The following EMB variants were observed in gnomAD, a reference collection of about 807,000 sequenced individuals.
EMB encodes the protein embigin homolog.
A neutral mutation model predicts 41.4 loss-of-function variants in EMB; 31 were observed. That is an observed-to-expected ratio of 0.75 (90% confidence interval 0.56 to 1.01). EMB has a LOEUF of 1.01. Among genes scored for constraint, EMB ranks in the 50% least tolerant of loss-of-function variants. The pLI, the probability that EMB is intolerant of heterozygous loss-of-function variation, is 0.00. For missense variants in EMB, 379 were observed against 388.3 expected (o/e 0.98, Z 0.20); for synonymous variants, 137 against 140.4 (o/e 0.98, Z 0.17).
intron 2 of EMB, among the ~76,000 whole-genome samples, chr5:50,427,498 T>C (rs1745638367): frequency 6.6e-6 from 1 of 150,646 alleles, no homozygotes; most frequent in Non-Finnish European, 1.5e-5. Context: ...ACATTATTAT[T>C]ATTATTATTA....
chr5:50,396,925 G>A lies in EMB; in HGVS notation c.*2348C>T, dbSNP rs1430602394. 2 of 152,076 alleles carry A rather than the reference G, an allele frequency of 1.3e-5. No individual in the cohort carries two copies. The highest frequency in any genetic ancestry group is 2.9e-5 in the Non-Finnish European group (2 of 68,002). The allele number at this position is 152,076 out of a possible 1,614,324, so 9.4% of individuals were successfully genotyped here. On this transcript the variant is annotated 3_prime_UTR_variant, in exon 9 of 9. Transcript: ENST00000303221. ...ATACAGAAGAAGAAAATATCAGAAT[G>A]AGTTCTAAATTAGGGCCTGAGCAGC...
At chr5:50,429,971 TCTCTCTCTCTC>T (rs1745688144) in intron 1 of EMB, among the ~76,000 whole-genome samples, 1,494 of 134,054 alleles carry the variant, frequency 0.011, 54 homozygotes, top group African/African-American at 0.038. Context: ...ACTCTCTTTC[TCTCTCTCTCTC>T]TCTCTCTCTC....
intron 1 of EMB, among the ~76,000 whole-genome samples, chr5:50,439,020 G>T (rs1239335654): frequency 6.6e-6 from 1 of 151,038 alleles, no homozygotes; most frequent in African/African-American, 2.4e-5. Flanking sequence ...TAAAGCTGTG[G>T]TTTTTAACCA....
rs1561129447 is a variant in EMB at position 50,399,893 on chromosome 5, C to T, written c.932G>A (p.Gly311Asp). ...IEQLKSDDSN[G>D]IENNVPRHRK... is the part of the protein sequence containing the mutation. Reference sequence around the variant, plus strand: ...ATGCCTGGGGACATTATTTTCTATACCATTGCTATCATCTGATTTCCTGCA... The same window carrying T: ...ATGCCTGGGGACATTATTTTCTATATCATTGCTATCATCTGATTTCCTGCA... The change falls in exon 8 of 9, where the codon GGT becomes GAT. Residue 311 changes from glycine to aspartate, a missense_variant. Transcript: ENST00000303221. 6 of 1,603,612 alleles carry T rather than the reference C, an allele frequency of 3.7e-6. No homozygotes were observed. Among genetic ancestry groups the T allele is most frequent in the Non-Finnish European group, 5.1e-6 (6 of 1,175,464 alleles).
At chr5:50,408,117 T>C (rs1745277156) in intron 4 of EMB, among the ~76,000 whole-genome samples, 1 of 152,004 alleles carries the variant, frequency 6.6e-6, no homozygotes, top group Admixed American at 6.6e-5. Flanking sequence ...TTTAGATACT[T>C]CCAGGGGAAG....
chr5:50,419,536 T>TACACATACACACACAC (rs1745481555), intron 2 of EMB, among the ~76,000 whole-genome samples: 2 of 142,736 alleles, frequency 1.4e-5, no homozygotes, highest in Non-Finnish European at 3.0e-5. Context: ...CCCCACTACA[T>TACACATACACACACAC]ACACACACAC....
upstream of EMB, chr5:50,443,251 C>G (rs1454693862): frequency 6.6e-6 from 1 of 152,192 alleles, no homozygotes; most frequent in East Asian, 1.9e-4. Flanking sequence ...GGGGAATTCT[C>G]ACTCTGTCGC....
chr5:50,405,541 A>G (rs2111778139), intron 5 of EMB, among the ~76,000 whole-genome samples, 184 bp downstream of exon 5: 1 of 152,126 alleles, frequency 6.6e-6, no homozygotes, highest in East Asian at 1.9e-4. Context: ...TAACGTAAAC[A>G]TGCCAAAAAC....
chr5:50,396,845 T>C lies in EMB; in HGVS notation c.*2428A>G, dbSNP rs1745074351. 6.6e-6 allele frequency: 1 copy of C among 152,070 alleles called. No homozygotes were observed. The highest frequency in any genetic ancestry group is 1.5e-5 in the Non-Finnish European group (1 of 68,046). 9.4% of individuals were successfully genotyped at this position (152,070 alleles called of 1,614,324 possible). ...TTGGGGAGGCAATGGGATGGATTCA[T>C]GAGCTATTAAAAAGGTCAAAGGAGC... On this transcript the variant is annotated 3_prime_UTR_variant, in exon 9 of 9. Transcript: ENST00000303221.
intron 7 of EMB, among the ~76,000 whole-genome samples, chr5:50,400,880 G>C (rs2111763162): frequency 6.6e-6 from 1 of 152,112 alleles, no homozygotes; most frequent in South Asian, 2.1e-4. Flanking sequence ...CATCCTTTCA[G>C]AGTGTGTTTT....
rs1178112069 is a variant in EMB at position 50,412,242 on chromosome 5, A to C, written c.197-859T>G. ...TGAAAACAATACACACACACACACC[A>C]CACACACACACACAGACACACACAC... On this transcript the variant is annotated intron_variant, in intron 2 of 8. Coordinates refer to ENST00000303221, the MANE Select transcript of EMB (RefSeq NM_198449.3). 3.8e-4 allele frequency among the ~76,000 whole-genome samples: 46 copies of C among 119,892 alleles called. No individual in the cohort carries two copies. In the East Asian group the frequency reaches 6.6e-3, roughly 17 times the overall value. The allele number at this position is 119,892 out of a possible 152,430, so 78.7% of individuals were successfully genotyped here. A position where few individuals can be genotyped will look rare whatever the true frequency, so the allele number is the denominator to read the frequency against.
chr5:50,423,948 G>A (rs1459915893), intron 2 of EMB, among the ~76,000 whole-genome samples: 5 of 152,058 alleles, frequency 3.3e-5, no homozygotes, highest in South Asian at 2.1e-4. Context: ...TTGTGCTGTC[G>A]GCTGATTTTC....
In EMB at chr5:50,409,061, A is replaced by C. The variant is rs539178870; in HGVS notation, c.472+1816T>G. ...TTCAAGACAACTAGAAAAGAAAAAA[A>C]AGTAAATGTTCAGTGATTCTTTGCT... On this transcript the variant is annotated intron_variant, in intron 4 of 8. Coordinates refer to ENST00000303221, the MANE Select transcript of EMB (RefSeq NM_198449.3). 1.4e-3 allele frequency among the ~76,000 whole-genome samples: 206 copies of C among 152,254 alleles called. 1 individual carries two copies. Among genetic ancestry groups the C allele is most frequent in the Non-Finnish European group, 9.4e-4 (64 of 68,002 alleles).
intron 1 of EMB, among the ~76,000 whole-genome samples, chr5:50,433,838 GA>G (rs1376899644): frequency 6.6e-6 from 1 of 152,164 alleles, no homozygotes; most frequent in Non-Finnish European, 1.5e-5. Context: ...TTCCTCCTCT[GA>G]ACTCTTGAGT....
upstream of EMB, chr5:50,441,295 T>G: frequency 7.0e-6 from 3 of 427,838 alleles, no homozygotes; most frequent in Non-Finnish European, 4.0e-6. Context: ...AAAGGCGGAA[T>G]GGGAGGGGCC....
At chr5:50,407,989 T>A (rs1035087223) in intron 4 of EMB, among the ~76,000 whole-genome samples, 1 of 151,992 alleles carries the variant, frequency 6.6e-6, no homozygotes, top group African/African-American at 2.4e-5. Flanking sequence ...TAGGTACCAC[T>A]AAATTAGGAA....
At chr5:50,405,984 A>G in intron 4 of EMB, 132 bp from the exon 5 acceptor site, 1 of 1,295,824 alleles carries the variant, frequency 7.7e-7, no homozygotes, top group East Asian at 2.9e-5. Flanking sequence ...ATATCAATGA[A>G]ACTAATTTAT....
At chr5:50,419,659 T>C (rs1334861500) in intron 2 of EMB, among the ~76,000 whole-genome samples, 1 of 152,048 alleles carries the variant, frequency 6.6e-6, no homozygotes, top group African/African-American at 2.4e-5. Flanking sequence ...GGCCTCTTCA[T>C]CCCTTCATCT....
At chr5:50,432,749 G>GAAAAAAAAAAAAA (rs1745740877) in intron 1 of EMB, among the ~76,000 whole-genome samples, 1 of 49,978 alleles carries the variant, frequency 2.0e-5, no homozygotes, top group African/African-American at 6.8e-5. Flanking sequence ...AGAAAAACAA[G>GAAAAAAAAAAAAA]TAAAAAAAAA....
Sources: allele counts gnomAD v4.1 joint callset (sites outside exome capture counted in the v4.1 genomes callset), GRCh38; gene constraint gnomAD v4.1.1; transcripts MANE v1.5; gene names NCBI Gene and HGNC (gene_info 2026-07-23, HGNC 2026-07-21).